HLA-DRA: variants seen among roughly 807,000 people sequenced by gnomAD.
The protein encoded by HLA-DRA is major histocompatibility complex, class II, DR alpha.
HLA-DRA carries 8 observed loss-of-function variants against 22.1 expected under a neutral mutation model. The observed-to-expected ratio is 0.36, with a 90% CI of 0.21 to 0.65. HLA-DRA has a LOEUF of 0.65. Among genes scored for constraint, HLA-DRA ranks in the 30% least tolerant of loss-of-function variants. The pLI is 0.63. For missense variants in HLA-DRA, 248 were observed against 321.3 expected (o/e 0.77, Z 1.74); for synonymous variants, 101 against 117.1 (o/e 0.86, Z 0.89).
intron 1 of HLA-DRA, 89 bp downstream of exon 1, chr6:32,440,121 T>G (rs1762523068): frequency 8.8e-7 from 1 of 1,139,276 alleles, no homozygotes; most frequent in Non-Finnish European, 1.3e-6. Context: ...ATGTGTGGAG[T>G]GAAAGAATAG....
chr6:32,442,851 T>C (rs1351687387), intron 2 of HLA-DRA, among the ~76,000 whole-genome samples, 158 bp downstream of exon 2: 2 of 152,106 alleles, frequency 1.3e-5, no homozygotes, highest in African/African-American at 4.8e-5. Flanking sequence ...GTCTGAGAAC[T>C]TTATGGGTTT....
At chr6:32,442,769 G>T in intron 2 of HLA-DRA, 76 bp downstream of exon 2, 1 of 1,551,272 alleles carries the variant, frequency 6.4e-7, no homozygotes, top group Non-Finnish European at 8.8e-7. Context: ...CTTTGTGTTA[G>T]ATTATTGTAA....
Position 32,443,470 on chromosome 6 carries a change from T to G in HLA-DRA, c.610+4T>G, listed in dbSNP as rs537246240. The G allele has an allele frequency of 9.3e-6, 15 of 1,611,236 alleles. No homozygotes were observed. In the South Asian group the frequency reaches 1.5e-4, roughly 17 times the overall value. On this transcript the variant is annotated splice_donor_region_variant and intron_variant, in intron 3 of 4. Transcript: ENST00000395388. ...GAGCCTCTTCTCAAGCACTGGGGTA[T>G]GGACCAACACTCAATCTCCTTTATT... is the stretch of plus-strand genomic sequence containing the variant.
chr6:32,443,567 A>G, intron 3 of HLA-DRA, 101 bp downstream of exon 3: 2 of 1,201,632 alleles, frequency 1.7e-6, no homozygotes, highest in Non-Finnish European at 2.4e-6. Flanking sequence ...GCTACAATTA[A>G]TATAACTGTC....
chr6:32,441,185 C>T (rs536750229), intron 1 of HLA-DRA, among the ~76,000 whole-genome samples: 2 of 152,090 alleles, frequency 1.3e-5, no homozygotes, highest in African/African-American at 2.4e-5. Context: ...GGTGAAACCC[C>T]GTCTCTACTA....
At chr6:32,441,609 C>T (rs1256360828) in intron 1 of HLA-DRA, among the ~76,000 whole-genome samples, 7 of 152,170 alleles carry the variant, frequency 4.6e-5, no homozygotes, top group African/African-American at 7.2e-5. Flanking sequence ...TCAATCCAGA[C>T]GAGAACCTTC....
intron 1 of HLA-DRA, among the ~76,000 whole-genome samples, chr6:32,440,390 T>C (rs1051511706): frequency 1.3e-5 from 2 of 149,292 alleles, no homozygotes; most frequent in Admixed American, 1.3e-4. Context: ...TTAGTAAAAT[T>C]AAAAACTAAA....
In HLA-DRA at chr6:32,443,691, A is replaced by G. The variant is rs576887908; in HGVS notation, c.611-65A>G. On this transcript the variant is annotated intron_variant, in intron 3 of 4. Transcript: ENST00000395388. ...CTTTTCTCTTTATTAAGAACCCTAC[A>G]TTTGATTCTGAGTGTTACTTCTTCC... 52 of 1,421,084 alleles carry G rather than the reference A, an allele frequency of 3.7e-5. No homozygotes were observed. The African/African-American group carries it at 6.3e-4, about 17-fold the overall frequency. 88.0% of individuals were successfully genotyped at this position (1,421,084 alleles called of 1,614,324 possible). A position where few individuals can be genotyped will look rare whatever the true frequency, so the allele number is the denominator to read the frequency against.
intron 1 of HLA-DRA, among the ~76,000 whole-genome samples, chr6:32,442,055 T>A (rs570892070): frequency 2.0e-5 from 3 of 152,348 alleles, no homozygotes; most frequent in Admixed American, 2.0e-4. Context: ...CCTCTGGAAT[T>A]CTGGCCTAAG....
Position 32,442,588 on chromosome 6 carries a change from C to G in HLA-DRA, c.223C>G (p.Arg75Gly). 6.2e-7 allele frequency: 1 copy of G among 1,613,052 alleles called. No homozygotes were observed. The highest frequency in any genetic ancestry group is 8.5e-7 in the Non-Finnish European group (1 of 1,180,034). ...GGTCTGGCGGCTTGAAGAATTTGGACGATTTGCCAGCTTTGAGGCTCAAGG... is the reference window on the plus strand; with the variant it reads ...GGTCTGGCGGCTTGAAGAATTTGGAGGATTTGCCAGCTTTGAGGCTCAAGG... ...ETVWRLEEFG[R>G]FASFEAQGAL... Residue 75 changes from arginine (R) to glycine (G), a missense_variant, in exon 2 of 5, where the codon CGA becomes GGA. Physicochemically the swap from Arg to Gly is moderately radical, Grantham distance 125. Transcript: ENST00000395388.
In HLA-DRA at chr6:32,443,334, A is replaced by AC; in HGVS notation, c.479dup (p.Val161SerfsTer23). 6.2e-7 allele frequency: 1 copy of AC among 1,613,086 alleles called. No individual in the cohort carries two copies. Among genetic ancestry groups the AC allele is most frequent in the Non-Finnish European group, 8.5e-7 (1 of 1,180,036 alleles). ...ACCTGTCACCACAGGAGTGTCAGAG[A>AC]CAGTCTTCCTGCCCAGGGAAGACCA... On this transcript the variant is annotated frameshift_variant, in exon 3 of 5. Coordinates refer to ENST00000395388, the MANE Select transcript of HLA-DRA (RefSeq NM_019111.5). LOFTEE classifies it high-confidence loss of function.
chr6:32,443,864 A>G lies in HLA-DRA; in HGVS notation c.719A>G (p.Lys240Arg). 1 of 1,611,804 alleles carries G rather than the reference A, an allele frequency of 6.2e-7. No individual in the cohort carries two copies. The highest frequency in any genetic ancestry group is 8.5e-7 in the Non-Finnish European group (1 of 1,179,504). The change falls in exon 4 of 5, where the codon AAG becomes AGG. Residue 240 changes from lysine (K) to arginine (R), a missense_variant. Physicochemically the swap from Lys to Arg is conservative, Grantham distance 26 (BLOSUM62 2). Transcript: ENST00000395388. ...GIIIGTIFII[K>R]GLRKSNAAER... The stretch of plus-strand genomic sequence containing the variant: ...ATTATTGGGACCATCTTCATCATCA[A>G]GGGATTGCGCAAAAGCAATGCAGCA...
In HLA-DRA at chr6:32,443,169, G is replaced by T. The variant is rs763496654; in HGVS notation, c.329-16G>T. 1 of 1,608,510 alleles carries T rather than the reference G, an allele frequency of 6.2e-7. No individual in the cohort carries two copies. Among genetic ancestry groups the T allele is most frequent in the Non-Finnish European group, 8.5e-7 (1 of 1,176,120 alleles). On this transcript the variant is annotated splice_polypyrimidine_tract_variant and intron_variant, in intron 2 of 4. Coordinates refer to ENST00000395388, the MANE Select transcript of HLA-DRA (RefSeq NM_019111.5). ...GTGATGGCTGATTTCTGTCATGTCT[G>T]TCATGTGTCCCCCAGTACCTCCAGA...
In HLA-DRA at chr6:32,439,964, G is replaced by A; in HGVS notation, c.14G>A (p.Gly5Glu). MAISGVPVLGFFIIA... is the reference protein window; with the variant it reads MAISEVPVLGFFIIA... ...CCCAAGAAGAAAATGGCCATAAGTG[G>A]AGTCCCTGTGCTAGGATTTTTCATC... Residue 5 changes from glycine (G) to glutamate (E), a missense_variant, in exon 1 of 5, where the codon GGA (glycine) becomes GAA (glutamate). Transcript: ENST00000395388. 1 of 1,614,100 alleles carries A rather than the reference G, an allele frequency of 6.2e-7. No individual in the cohort carries two copies. Among genetic ancestry groups the A allele is most frequent in the Non-Finnish European group, 8.5e-7 (1 of 1,180,002 alleles).
At chr6:32,441,732 T>C (rs1004181694) in intron 1 of HLA-DRA, among the ~76,000 whole-genome samples, 3 of 152,226 alleles carry the variant, frequency 2.0e-5, no homozygotes, top group African/African-American at 7.2e-5. Flanking sequence ...ATATTTTCCA[T>C]AGATTTGGCC....
At chr6:32,440,287 CTGGGGG>C (rs746525856) in intron 1 of HLA-DRA, among the ~76,000 whole-genome samples, 5 of 15,506 alleles carry the variant, frequency 3.2e-4, no homozygotes, top group Admixed American at 8.1e-4. Context: ...ACAAGCCAAA[CTGGGGG>C]TGGGGGTGGG....
At chr6:32,443,558 C>A in intron 3 of HLA-DRA, 92 bp downstream of exon 3, 7 of 1,251,914 alleles carry the variant, frequency 5.6e-6, no homozygotes, top group Admixed American at 2.0e-5. Context: ...ATAATATCTG[C>A]TACAATTAAT....
chr6:32,443,671 C>T, intron 3 of HLA-DRA, 85 bp from the exon 4 acceptor site: 2 of 1,333,792 alleles, frequency 1.5e-6, no homozygotes, highest in Non-Finnish European at 2.1e-6. Flanking sequence ...AATAACTTTT[C>T]TCTTTATTAA....
chr6:32,440,145 A>G (rs1214906939), intron 1 of HLA-DRA, 113 bp downstream of exon 1: 1 of 920,358 alleles, frequency 1.1e-6, no homozygotes, highest in Non-Finnish European at 1.8e-6. Flanking sequence ...GACAGGTATT[A>G]TGTGGTCTCG....
Sources: gnomAD v4.1 joint callset for allele counts (sites outside exome capture counted in the v4.1 genomes callset) on GRCh38, gnomAD v4.1.1 for gene constraint, MANE v1.5 for transcripts, NCBI Gene and HGNC (gene_info 2026-07-23, HGNC 2026-07-21) for gene names.